Variants in MYO3B observed in about 807,000 individuals in gnomAD.
The protein encoded by MYO3B is myosin-IIIb.
In MYO3B, 156 loss-of-function variants were observed where a neutral mutation model predicts 174.6. That is an observed-to-expected ratio of 0.89 (90% confidence interval 0.78 to 1.02). The LOEUF (loss-of-function observed/expected upper bound fraction) is 1.02, where lower values mean the gene tolerates loss of function less well. MYO3B is among the 50% of genes least tolerant of loss of function. The pLI, the probability that MYO3B is intolerant of heterozygous loss-of-function variation, is 0.00. For synonymous variants in MYO3B, 563 were observed against 569.1 expected (o/e 0.99, Z 0.15); for missense variants, 1,632 against 1,639.4 (o/e 1.00, Z 0.08).
intron 25 of MYO3B, among the ~76,000 whole-genome samples, chr2:170,480,498 AAAGT>A (rs1316703572): frequency 6.6e-6 from 1 of 152,194 alleles, no homozygotes; most frequent in Non-Finnish European, 1.5e-5. Flanking sequence ...TGAACTGGTA[AAAGT>A]AAGTGTTTCC....
intron 28 of MYO3B, among the ~76,000 whole-genome samples, chr2:170,503,595 T>C (rs566947971): frequency 1.3e-5 from 2 of 152,024 alleles, no homozygotes; most frequent in African/African-American, 2.4e-5. Context: ...TCCTTTTTTT[T>C]AGCCTTGCAA....
At chr2:170,538,473 C>T (rs948088463) in intron 30 of MYO3B, among the ~76,000 whole-genome samples, 1 of 152,220 alleles carries the variant, frequency 6.6e-6, no homozygotes, top group African/African-American at 2.4e-5. Flanking sequence ...CCTAGTGCCA[C>T]CGGCGCAGCG....
intron 22 of MYO3B, among the ~76,000 whole-genome samples, chr2:170,418,160 G>C (rs2094592825): frequency 6.6e-6 from 1 of 152,208 alleles, no homozygotes; most frequent in African/African-American, 2.4e-5. Flanking sequence ...CTAGTGAGTT[G>C]AGATTGCTCT....
At chr2:170,523,323 G>A (rs561163511) in intron 30 of MYO3B, among the ~76,000 whole-genome samples, 1 of 152,280 alleles carries the variant, frequency 6.6e-6, no homozygotes, top group East Asian at 1.9e-4. Context: ...AGAGGATCCC[G>A]AATAACTTAC....
chr2:170,559,091 G>A (rs1375420344), intron 32 of MYO3B, among the ~76,000 whole-genome samples: 1 of 152,188 alleles, frequency 6.6e-6, no homozygotes, highest in Non-Finnish European at 1.5e-5. Flanking sequence ...GATTGTAGAA[G>A]CTTTCAAGGT....
intron 34 of MYO3B, among the ~76,000 whole-genome samples, chr2:170,652,383 T>C (rs1699067881): frequency 6.6e-6 from 1 of 152,228 alleles, no homozygotes; most frequent in South Asian, 2.1e-4. Context: ...TTATTTCTCA[T>C]AATTATTCCA....
chr2:170,246,841 G>A (rs2093196157), intron 7 of MYO3B, among the ~76,000 whole-genome samples: 1 of 152,094 alleles, frequency 6.6e-6, no homozygotes, highest in Non-Finnish European at 1.5e-5. Context: ...CTAGGGCATG[G>A]TTAGGGATGG....
intron 9 of MYO3B, among the ~76,000 whole-genome samples, chr2:170,373,621 G>A (rs1297025993): frequency 6.6e-6 from 1 of 152,078 alleles, no homozygotes; most frequent in Non-Finnish European, 1.5e-5. Context: ...TAAAGGGGAA[G>A]GATATATATA....
intron 32 of MYO3B, among the ~76,000 whole-genome samples, chr2:170,568,614 C>T (rs1335095098): frequency 1.3e-5 from 2 of 152,188 alleles, no homozygotes; most frequent in African/African-American, 2.4e-5. Context: ...GTTTGCCCCA[C>T]CACATTCTGC....
intron 25 of MYO3B, among the ~76,000 whole-genome samples, chr2:170,489,528 C>T (rs1289212034): frequency 2.0e-5 from 3 of 152,172 alleles, no homozygotes; most frequent in African/African-American, 4.8e-5. Context: ...CAGAACTTAT[C>T]TCTACCTTTA....
chr2:170,447,131 A>C (rs1347236717), intron 23 of MYO3B, among the ~76,000 whole-genome samples: 1 of 152,132 alleles, frequency 6.6e-6, no homozygotes, highest in Non-Finnish European at 1.5e-5. Flanking sequence ...TTCAGAGAAG[A>C]GCTGTGGGAA....
intron 7 of MYO3B, among the ~76,000 whole-genome samples, chr2:170,311,271 C>T (rs866746909): frequency 3.9e-5 from 6 of 152,180 alleles, no homozygotes; most frequent in Middle Eastern, 6.8e-3. Context: ...TCCACATTTG[C>T]TCCAACACTT....
intron 32 of MYO3B, among the ~76,000 whole-genome samples, chr2:170,648,954 AATAT>A (rs1374441988): frequency 1.5e-5 from 1 of 67,046 alleles, no homozygotes; most frequent in East Asian, 5.4e-4. Flanking sequence ...TATATAAAAT[AATAT>A]ATAATGTATA....
intron 32 of MYO3B, among the ~76,000 whole-genome samples, chr2:170,638,032 G>C (rs1697657453): frequency 6.6e-6 from 1 of 151,842 alleles, no homozygotes; most frequent in Admixed American, 6.6e-5. Context: ...AATTATATTT[G>C]TGATTTTATT....
intron 25 of MYO3B, among the ~76,000 whole-genome samples, chr2:170,485,454 T>C (rs1035302339): frequency 3.0e-5 from 4 of 134,016 alleles, no homozygotes; most frequent in Admixed American, 7.5e-5. Flanking sequence ...GCGAGTGAGT[T>C]AGAGGAAGAG....
At chr2:170,611,730 A>G (rs1212732664) in intron 32 of MYO3B, among the ~76,000 whole-genome samples, 1 of 152,224 alleles carries the variant, frequency 6.6e-6, no homozygotes, top group Non-Finnish European at 1.5e-5. Flanking sequence ...CCATGGGTAT[A>G]GCACAATTAA....
At chr2:170,507,204 C>T (rs1467746389) in intron 28 of MYO3B, among the ~76,000 whole-genome samples, 1 of 152,102 alleles carries the variant, frequency 6.6e-6, no homozygotes, top group Non-Finnish European at 1.5e-5. Flanking sequence ...ACCTGGTGCA[C>T]CTGAGCTTGA....
At chr2:170,583,848 A>G (rs1361712360) in intron 32 of MYO3B, among the ~76,000 whole-genome samples, 1 of 152,196 alleles carries the variant, frequency 6.6e-6, no homozygotes, top group Non-Finnish European at 1.5e-5. Flanking sequence ...GTCTCACGGT[A>G]AGGAAAAAAT....
rs1317927806 is a variant in MYO3B, at chr2:170,382,078, A to T, written c.1034A>T (p.Glu345Val). The change falls in exon 10 of 35, where the codon GAG becomes GTG. Residue 345 changes from glutamate to valine, a missense_variant. Physicochemically the swap from Glu to Val is moderately radical, Grantham distance 121. Transcript: ENST00000408978. The stretch of plus-strand genomic sequence containing the variant: ...GAAGATGCTGAAAAATACTGCCTTG[A>T]GGATGATTTGGTCAACCTAGAGGTT... ...HVEDAEKYCL[E>V]DDLVNLEVLD... 1 of 1,613,628 alleles carries T rather than the reference A, an allele frequency of 6.2e-7. No individual in the cohort carries two copies. The highest frequency in any genetic ancestry group is 8.5e-7 in the Non-Finnish European group (1 of 1,179,648).
Sources: gnomAD v4.1 joint callset for allele counts (sites outside exome capture counted in the v4.1 genomes callset) on GRCh38, gnomAD v4.1.1 for gene constraint, MANE v1.5 for transcripts, NCBI Gene and HGNC (gene_info 2026-07-23, HGNC 2026-07-21) for gene names.